Variants in CDH18 observed in about 807,000 individuals in gnomAD.
The protein encoded by CDH18 is cadherin-18.
In CDH18, 31 loss-of-function variants were observed where a neutral mutation model predicts 67.9. That is an observed-to-expected ratio of 0.46 (90% CI 0.34 to 0.62). The LOEUF (loss-of-function observed/expected upper bound fraction) is 0.62, where lower values mean the gene tolerates loss of function less well. Ranked by LOEUF, CDH18 falls within the 20% of genes least tolerant of loss-of-function variation. The probability of loss-of-function intolerance (pLI) is 0.01; values close to 1 mark genes in which losing one functional copy is unlikely to be tolerated. For missense variants in CDH18, 890 were observed against 975.5 expected (o/e 0.91, Z 1.17); for synonymous variants, 362 against 347.2 (o/e 1.04, Z -0.48).
At chr5:19,969,100 C>T (rs1481456169) in intron 2 of CDH18, among the ~76,000 whole-genome samples, 2 of 145,630 alleles carry the variant, frequency 1.4e-5, no homozygotes, top group African/African-American at 2.8e-5. Context: ...AAAATGCTCA[C>T]CATCACTGGC....
At chr5:20,535,730 T>C (rs1261717760) in intron 1 of CDH18, among the ~76,000 whole-genome samples, 1 of 152,162 alleles carries the variant, frequency 6.6e-6, no homozygotes, top group African/African-American at 2.4e-5. Context: ...TTCTGATGAT[T>C]CTTTTTCCAC....
At chr5:20,045,149 C>G (rs545278893) in intron 2 of CDH18, among the ~76,000 whole-genome samples, 6 of 152,082 alleles carry the variant, frequency 3.9e-5, no homozygotes, top group Non-Finnish European at 7.4e-5. Flanking sequence ...TGTTTAGAAG[C>G]TGGTCAATTC....
At chr5:19,795,320 T>TTGTCCAAGGAC (rs1200933036) in intron 3 of CDH18, among the ~76,000 whole-genome samples, 7 of 152,158 alleles carry the variant, frequency 4.6e-5, no homozygotes, top group South Asian at 2.1e-4. Context: ...TTCCCCATCC[T>TTGTCCAAGGAC]TGTCCAAGGA....
At chr5:20,155,765 A>C (rs1171314065) in intron 2 of CDH18, among the ~76,000 whole-genome samples, 1 of 152,062 alleles carries the variant, frequency 6.6e-6, no homozygotes, top group Non-Finnish European at 1.5e-5. Context: ...GTAAGAGATA[A>C]GGGTTCAGTT....
chr5:19,939,990 T>C (rs1240519323), intron 2 of CDH18, among the ~76,000 whole-genome samples: 12 of 152,002 alleles, frequency 7.9e-5, no homozygotes, highest in African/African-American at 2.4e-4. Flanking sequence ...GCATAGTTCC[T>C]ATTTTAACAA....
chr5:19,784,173 A>G (rs1280456430), intron 3 of CDH18, among the ~76,000 whole-genome samples: 1 of 152,198 alleles, frequency 6.6e-6, no homozygotes, highest in Non-Finnish European at 1.5e-5. Context: ...TTTAAATATT[A>G]CAATACAGTT....
chr5:19,636,307 C>T (rs1437285239), intron 5 of CDH18, among the ~76,000 whole-genome samples: 4 of 151,758 alleles, frequency 2.6e-5, no homozygotes, highest in Admixed American at 2.0e-4. Flanking sequence ...GGTATGGCTA[C>T]CTCTACATAA....
chr5:19,626,205 C>G lies in CDH18; in HGVS notation c.644-13604G>C, dbSNP rs528442499. Among the ~76,000 whole-genome samples, 234 of 151,850 alleles carry G rather than the reference C, an allele frequency of 1.5e-3. 2 individuals are homozygous for G. The highest frequency in any genetic ancestry group is 0.014 in the South Asian group (69 of 4,798). On this transcript the variant is annotated intron_variant, in intron 5 of 12. Coordinates refer to ENST00000382275, the MANE Select transcript of CDH18 (RefSeq NM_004934.5). The stretch of plus-strand genomic sequence containing the variant: ...ACTAAAGCAAAATAACAAATAGCAC[C>G]AAGAAAAAAATAAAAACATATTGAC...
chr5:20,380,625 G>C (rs1026043453), intron 1 of CDH18, among the ~76,000 whole-genome samples: 4 of 152,092 alleles, frequency 2.6e-5, no homozygotes, highest in Non-Finnish European at 5.9e-5. Flanking sequence ...GTATTAGTTA[G>C]GTGAGAAGTT....
chr5:19,655,470 C>T (rs564984621), intron 5 of CDH18, among the ~76,000 whole-genome samples: 1 of 151,546 alleles, frequency 6.6e-6, no homozygotes, highest in African/African-American at 2.4e-5. Context: ...GAGTTTCTAT[C>T]TAAACTATCT....
chr5:20,038,498 C>T (rs946284555), intron 2 of CDH18, among the ~76,000 whole-genome samples: 4 of 152,078 alleles, frequency 2.6e-5, no homozygotes, highest in African/African-American at 7.2e-5. Flanking sequence ...TTACTGACCA[C>T]GATCAAGTCG....
intron 2 of CDH18, among the ~76,000 whole-genome samples, chr5:19,974,386 C>T (rs1009611403): frequency 2.0e-5 from 3 of 151,712 alleles, no homozygotes; most frequent in Admixed American, 1.3e-4. Flanking sequence ...TAAAGATTAG[C>T]CAGGCATGGT....
At chr5:20,539,007 T>C (rs1756900701) in intron 1 of CDH18, among the ~76,000 whole-genome samples, 2 of 146,238 alleles carry the variant, frequency 1.4e-5, no homozygotes, top group Admixed American at 7.1e-5. Flanking sequence ...TCTTGCGTCA[T>C]ACTCCCAAGT....
chr5:19,600,044 G>T (rs1007302660), intron 6 of CDH18, among the ~76,000 whole-genome samples: 1 of 152,034 alleles, frequency 6.6e-6, no homozygotes, highest in Non-Finnish European at 1.5e-5. Flanking sequence ...TAACTGTAAA[G>T]GTCACTTTGC....
At chr5:19,499,376 A>G (rs972026029) in intron 11 of CDH18, among the ~76,000 whole-genome samples, 5 of 152,102 alleles carry the variant, frequency 3.3e-5, no homozygotes, top group South Asian at 2.1e-4. Flanking sequence ...CTAGTTGTTC[A>G]ATAGCTATAA....
intron 1 of CDH18, among the ~76,000 whole-genome samples, chr5:20,485,824 A>G (rs937223215): frequency 2.0e-5 from 3 of 152,206 alleles, no homozygotes; most frequent in African/African-American, 7.2e-5. Context: ...AGTTAACATA[A>G]CAAATGAAGT....
At chr5:19,830,689 A>G (rs142608461) in intron 3 of CDH18, among the ~76,000 whole-genome samples, 5 of 152,274 alleles carry the variant, frequency 3.3e-5, no homozygotes, top group African/African-American at 1.2e-4. Flanking sequence ...TATTGGGTAT[A>G]TGCCCAAAGG....
At chr5:20,006,231 G>C in intron 2 of CDH18, among the ~76,000 whole-genome samples, 1 of 151,790 alleles carries the variant, frequency 6.6e-6, no homozygotes, top group Non-Finnish European at 1.5e-5. Context: ...AAGAATTAGA[G>C]ATGGCAAGCA....
At chr5:19,963,938 G>A (rs938140814) in intron 2 of CDH18, among the ~76,000 whole-genome samples, 11 of 151,860 alleles carry the variant, frequency 7.2e-5, no homozygotes, top group African/African-American at 2.7e-4. Flanking sequence ...CAGATCTCCT[G>A]GGAACTAACT....
Sources: gnomAD v4.1 joint callset for allele counts (sites outside exome capture counted in the v4.1 genomes callset) on GRCh38, gnomAD v4.1.1 for gene constraint, MANE v1.5 for transcripts, NCBI Gene and HGNC (gene_info 2026-07-23, HGNC 2026-07-21) for gene names.